The following CTNNA3 variants were observed in gnomAD, a reference collection of about 807,000 sequenced individuals.
The protein encoded by CTNNA3 is catenin alpha-3.
Under a neutral mutation model 95.7 loss-of-function variants are expected in CTNNA3, and 76 were observed. The observed-to-expected ratio is 0.79, with a 90% CI of 0.66 to 0.96. The LOEUF (loss-of-function observed/expected upper bound fraction) is 0.96. CTNNA3 is among the 40% of genes least tolerant of loss of function. The pLI is 0.00. For missense variants in CTNNA3, 1,191 were observed against 1,089.8 expected (o/e 1.09, Z -1.31); for synonymous variants, 431 against 374.4 (o/e 1.15, Z -1.74).
chr10:67,519,512 C>T (rs2133152792), intron 5 of CTNNA3, among the ~76,000 whole-genome samples: 1 of 152,242 alleles, frequency 6.6e-6, no homozygotes, highest in South Asian at 2.1e-4. Flanking sequence ...TAGCAAAACA[C>T]ATTGATTTTA....
intron 9 of CTNNA3, among the ~76,000 whole-genome samples, chr10:66,653,979 G>A (rs186956680): frequency 5.1e-4 from 77 of 152,096 alleles, no homozygotes; most frequent in African/African-American, 1.8e-3. Context: ...TGTAAATCAA[G>A]CAATACCTGA....
At chr10:66,326,275 T>A (rs1348991199) in intron 12 of CTNNA3, among the ~76,000 whole-genome samples, 1 of 152,124 alleles carries the variant, frequency 6.6e-6, no homozygotes, top group African/African-American at 2.4e-5. Flanking sequence ...TACGCTTCAC[T>A]CTTACAATGC....
intron 11 of CTNNA3, among the ~76,000 whole-genome samples, chr10:66,491,816 A>G (rs1206398648): frequency 6.6e-6 from 1 of 152,200 alleles, no homozygotes; most frequent in Non-Finnish European, 1.5e-5. Flanking sequence ...CTCTTACAAT[A>G]AGATGTGAAC....
At chr10:66,261,804 C>T (rs918764216) in intron 13 of CTNNA3, among the ~76,000 whole-genome samples, 1 of 151,828 alleles carries the variant, frequency 6.6e-6, no homozygotes, top group Admixed American at 6.6e-5. Context: ...TTTTGAAGAC[C>T]CCCACAGAGG....
At chr10:65,956,630 T>C (rs1215163242) in intron 17 of CTNNA3, among the ~76,000 whole-genome samples, 1 of 152,196 alleles carries the variant, frequency 6.6e-6, no homozygotes, top group Non-Finnish European at 1.5e-5. Context: ...TATTTCTGCC[T>C]TCATTTTGTT....
intron 2 of CTNNA3, among the ~76,000 whole-genome samples, chr10:67,641,315 T>A (rs1405699833): frequency 6.6e-6 from 1 of 152,132 alleles, no homozygotes; most frequent in Non-Finnish European, 1.5e-5. Context: ...AGATACCATC[T>A]CACACCAGTT....
chr10:67,686,848 C>T (rs1174026812), intron 1 of CTNNA3, among the ~76,000 whole-genome samples: 2 of 152,134 alleles, frequency 1.3e-5, no homozygotes, highest in Middle Eastern at 3.4e-3. Flanking sequence ...TAAGGATGGA[C>T]CTTGAGTTTG....
chr10:66,811,385 G>A (rs1226027035), intron 7 of CTNNA3, among the ~76,000 whole-genome samples: 2 of 152,144 alleles, frequency 1.3e-5, no homozygotes, highest in African/African-American at 4.8e-5. Context: ...AAAAGAAATA[G>A]AATCACAGAT....
At chr10:67,670,905 A>G (rs1395912376) in intron 1 of CTNNA3, among the ~76,000 whole-genome samples, 2 of 152,166 alleles carry the variant, frequency 1.3e-5, no homozygotes, top group Non-Finnish European at 1.5e-5. Context: ...AATTTACACA[A>G]ATAATATTGT....
intron 5 of CTNNA3, among the ~76,000 whole-genome samples, chr10:67,276,870 T>C (rs1403572770): frequency 6.6e-6 from 1 of 151,820 alleles, no homozygotes; most frequent in African/African-American, 2.4e-5. Context: ...ATATACATTG[T>C]GGTTCTAATT....
chr10:66,442,101 TACAG>T (rs1302160843), intron 11 of CTNNA3, among the ~76,000 whole-genome samples: 2 of 152,218 alleles, frequency 1.3e-5, no homozygotes, highest in Admixed American at 1.3e-4. Context: ...ATTGAACACG[TACAG>T]ACATTTTTCT....
intron 1 of CTNNA3, among the ~76,000 whole-genome samples, chr10:67,688,362 A>T (rs1564829758): frequency 6.6e-6 from 1 of 152,132 alleles, no homozygotes; most frequent in Non-Finnish European, 1.5e-5. Context: ...ATTAATAGGA[A>T]GGGGAGCTAT....
intron 10 of CTNNA3, among the ~76,000 whole-genome samples, chr10:66,536,374 C>T (rs139898062): frequency 1.3e-5 from 2 of 150,324 alleles, no homozygotes; most frequent in East Asian, 4.0e-4. Flanking sequence ...CCCAGCTACT[C>T]AGGAAGCAGA....
chr10:66,927,093 AT>A lies in CTNNA3; in HGVS notation c.1048-151570del. ...AATTACAGGAGATACCCTCAAGTAT[AT>A]CTGCTGGTTGCTTAGGTTTGTCCCT... On this transcript the variant is annotated intron_variant, in intron 7 of 17. Transcript: ENST00000433211. The surrounding 1 kb of genome is among the most constrained non-coding windows in gnomAD (Gnocchi z 4.7). 1 of 1,614,220 alleles carries A rather than the reference AT, an allele frequency of 6.2e-7. No homozygotes were observed. The highest frequency in any genetic ancestry group is 8.5e-7 in the Non-Finnish European group (1 of 1,180,046).
At chr10:67,351,919 C>T (rs1842651817) in intron 5 of CTNNA3, among the ~76,000 whole-genome samples, 1 of 151,970 alleles carries the variant, frequency 6.6e-6, no homozygotes, top group East Asian at 1.9e-4. Context: ...AACCAGAAGT[C>T]AGGCTTAACA....
At chr10:66,138,657 G>A (rs75559139) in intron 13 of CTNNA3, among the ~76,000 whole-genome samples, 5,461 of 152,118 alleles carry the variant, frequency 0.036, 310 homozygotes, top group African/African-American at 0.12. Flanking sequence ...GGTGAAACCC[G>A]GTTGGTTTCA....
intron 13 of CTNNA3, among the ~76,000 whole-genome samples, chr10:66,256,434 G>T (rs1221793340): frequency 6.6e-6 from 1 of 152,100 alleles, no homozygotes; most frequent in Non-Finnish European, 1.5e-5. Flanking sequence ...AAATAAAAAA[G>T]GTGCTTGGGG....
At chr10:67,062,863 G>A (rs2133225473) in intron 7 of CTNNA3, among the ~76,000 whole-genome samples, 1 of 152,282 alleles carries the variant, frequency 6.6e-6, no homozygotes, top group Admixed American at 6.5e-5. Context: ...CAGACCTGAA[G>A]TTTGTGTGGG....
At chr10:66,659,499 G>A (rs1256138340) in intron 9 of CTNNA3, among the ~76,000 whole-genome samples, 1 of 152,118 alleles carries the variant, frequency 6.6e-6, no homozygotes, top group South Asian at 2.1e-4. Context: ...AAGACCTATT[G>A]TGTACTTACA....
Sources: gnomAD v4.1 joint callset for allele counts (sites outside exome capture counted in the v4.1 genomes callset) on GRCh38, gnomAD v4.1.1 for gene constraint, Gnocchi (gnomAD v3.1) non-coding constraint, MANE v1.5 for transcripts, NCBI Gene and HGNC (gene_info 2026-07-23, HGNC 2026-07-21) for gene names.